The following NRXN3 variants were observed in gnomAD, a reference collection of about 807,000 sequenced individuals.
NRXN3 encodes the protein neurexin 3, also known as neurexin III.
A neutral mutation model predicts 137.6 loss-of-function variants in NRXN3; 32 were observed. That is an observed-to-expected ratio of 0.23 (90% confidence interval 0.18 to 0.31). NRXN3 has a LOEUF of 0.31. Among genes scored for constraint, NRXN3 ranks in the 10% least tolerant of loss-of-function variants. The pLI is 1.00. For synonymous variants in NRXN3, 798 were observed against 784.5 expected (o/e 1.02, Z -0.29); for missense variants, 1,574 against 2,062.5 (o/e 0.76, Z 4.59).
chr14:78,235,020 ATATGTGTATATATATATG>A (rs2066051807), intron 1 of NRXN3, among the ~76,000 whole-genome samples: 2 of 93,386 alleles, frequency 2.1e-5, no homozygotes, highest in African/African-American at 8.5e-5. Context: ...ATATATATAT[ATATGTGTATATATATATG>A]TGTGTGTGTG....
intron 16 of NRXN3, among the ~76,000 whole-genome samples, chr14:79,500,236 C>CAA (rs34976297): frequency 0.27 from 23,668 of 88,310 alleles, 3,400 homozygotes; most frequent in Admixed American, 0.36. Flanking sequence ...AAAAAGAAGG[C>CAA]AAAAAAAAAA....
intron 18 of NRXN3, among the ~76,000 whole-genome samples, chr14:79,693,509 G>A (rs1603433255): frequency 6.6e-6 from 1 of 151,828 alleles, no homozygotes; most frequent in South Asian, 2.1e-4. Flanking sequence ...GACAATGATT[G>A]CCTCACTTTA....
At chr14:78,283,864 T>G (rs2153507869) in intron 3 of NRXN3, among the ~76,000 whole-genome samples, 1 of 152,318 alleles carries the variant, frequency 6.6e-6, no homozygotes, top group Admixed American at 6.5e-5. Flanking sequence ...TGATAGAGCC[T>G]CACAGCCTCT....
At chr14:79,385,011 ATTATAGT>A (rs1051450560) in intron 15 of NRXN3, among the ~76,000 whole-genome samples, 1 of 152,126 alleles carries the variant, frequency 6.6e-6, no homozygotes, top group Admixed American at 6.6e-5. Context: ...CAACTGAGAT[ATTATAGT>A]TTAAGACTTT....
intron 4 of NRXN3, among the ~76,000 whole-genome samples, chr14:78,634,557 T>C (rs891189593): frequency 2.6e-5 from 4 of 152,220 alleles, no homozygotes; most frequent in African/African-American, 9.6e-5. Context: ...ATTTCAAACA[T>C]AAAACATGTA....
chr14:79,603,233 C>T (rs774454365), intron 16 of NRXN3, among the ~76,000 whole-genome samples: 1 of 48,364 alleles, frequency 2.1e-5, no homozygotes, highest in Non-Finnish European at 3.6e-5. Context: ...TCAGGTTACT[C>T]CATTCCATTG....
intron 15 of NRXN3, among the ~76,000 whole-genome samples, chr14:79,045,018 T>C (rs1457058843): frequency 6.6e-6 from 1 of 152,166 alleles, no homozygotes; most frequent in Non-Finnish European, 1.5e-5. Context: ...ATAAAAACCA[T>C]GGCGTCTCTT....
intron 4 of NRXN3, among the ~76,000 whole-genome samples, chr14:78,441,257 A>G (rs532143761): frequency 6.6e-6 from 1 of 152,214 alleles, no homozygotes; most frequent in South Asian, 2.1e-4. Flanking sequence ...TCATCCAGAT[A>G]TATTCTTGAT....
chr14:78,499,319 C>G (rs960520828), intron 4 of NRXN3, among the ~76,000 whole-genome samples: 1 of 151,976 alleles, frequency 6.6e-6, no homozygotes, highest in Non-Finnish European at 1.5e-5. Context: ...TCTGTAAAGT[C>G]TCAGGGACTT....
At chr14:78,280,414 AC>A (rs1240382576) in intron 3 of NRXN3, among the ~76,000 whole-genome samples, 2 of 152,182 alleles carry the variant, frequency 1.3e-5, no homozygotes, top group Non-Finnish European at 2.9e-5. Context: ...TCCCTAATTT[AC>A]AATAGGTAGT....
At chr14:79,014,447 T>C (rs2152413285) in intron 15 of NRXN3, among the ~76,000 whole-genome samples, 1 of 152,344 alleles carries the variant, frequency 6.6e-6, no homozygotes, top group Admixed American at 6.5e-5. Flanking sequence ...ATTCTTTTTA[T>C]GGCTGCGTAG....
intron 16 of NRXN3, among the ~76,000 whole-genome samples, chr14:79,586,404 T>A (rs951091101): frequency 4.6e-5 from 7 of 152,256 alleles, no homozygotes; most frequent in African/African-American, 1.7e-4. Flanking sequence ...TTTGTTTTCT[T>A]TATTTTCATT....
At chr14:78,216,885 C>T (rs899228726) in intron 1 of NRXN3, among the ~76,000 whole-genome samples, 3 of 152,164 alleles carry the variant, frequency 2.0e-5, no homozygotes, top group African/African-American at 4.8e-5. Flanking sequence ...CCAGTGGCCA[C>T]TTCCATCATC....
intron 4 of NRXN3, among the ~76,000 whole-genome samples, chr14:78,489,287 A>T (rs184280625): frequency 1.3e-5 from 2 of 152,286 alleles, no homozygotes; most frequent in East Asian, 3.9e-4. Flanking sequence ...ATTTGCTGTC[A>T]GGTTGTTCAT....
At chr14:78,404,116 T>G (rs2092317242) in intron 4 of NRXN3, among the ~76,000 whole-genome samples, 2 of 151,952 alleles carry the variant, frequency 1.3e-5, no homozygotes, top group Admixed American at 6.6e-5. Flanking sequence ...AAATCTCTAA[T>G]TTTTCTTGGA....
intron 19 of NRXN3, among the ~76,000 whole-genome samples, chr14:79,728,206 TAAAGC>T (rs978908661): frequency 6.6e-6 from 1 of 152,180 alleles, no homozygotes; most frequent in African/African-American, 2.4e-5. Flanking sequence ...GTCTGATTTT[TAAAGC>T]AAAGCAGGAT....
At chr14:79,721,607 A>C (rs2098844917) in intron 19 of NRXN3, among the ~76,000 whole-genome samples, 1 of 152,158 alleles carries the variant, frequency 6.6e-6, no homozygotes, top group African/African-American at 2.4e-5. Context: ...TAAAAGAGCT[A>C]AATACGTATA....
At chr14:78,425,575 A>T (rs1361220761) in intron 4 of NRXN3, among the ~76,000 whole-genome samples, 1 of 152,118 alleles carries the variant, frequency 6.6e-6, no homozygotes, top group Non-Finnish European at 1.5e-5. Context: ...CCCCTTGACT[A>T]AACCCTCTGC....
At chr14:79,040,992 G>C (rs1274266342) in intron 15 of NRXN3, among the ~76,000 whole-genome samples, 2 of 152,204 alleles carry the variant, frequency 1.3e-5, no homozygotes, top group African/African-American at 2.4e-5. Context: ...CCTGCAGGCT[G>C]TTCTTTCCTT....
Sources: gnomAD v4.1 joint callset for allele counts (sites outside exome capture counted in the v4.1 genomes callset) on GRCh38, gnomAD v4.1.1 for gene constraint, MANE v1.5 for transcripts, NCBI Gene and HGNC (gene_info 2026-07-23, HGNC 2026-07-21) for gene names.